Variants in PFKFB3 observed in about 807,000 individuals in gnomAD.
The protein encoded by PFKFB3 is 6-phosphofructo-2-kinase/fructose-2,6-biphosphatase 3, also known as 6-phosphofructo-2-kinase/fructose-2,6-bisphosphatase 3.
A neutral mutation model predicts 68.0 loss-of-function variants in PFKFB3; 33 were observed. The ratio of observed to expected loss-of-function variants is 0.49; its 90% confidence interval spans 0.37 to 0.65. The LOEUF (loss-of-function observed/expected upper bound fraction) is 0.65, where lower values mean the gene tolerates loss of function less well. PFKFB3 is among the 30% of genes least tolerant of loss of function. The pLI is 0.00. For missense variants in PFKFB3, 586 were observed against 712.2 expected, an observed-to-expected ratio of 0.82 and a Z score of 2.02; for synonymous variants, 315 against 288.2, an observed-to-expected ratio of 1.09 and a Z score of -0.94.
intron 1 of PFKFB3, among the ~76,000 whole-genome samples, chr10:6,210,351 T>G (rs1429678045): frequency 3.1e-4 from 4 of 12,928 alleles, no homozygotes; most frequent in South Asian, 0.025. Flanking sequence ...TTTTTGTTTT[T>G]TTTTGTTTTT....
At position 6,228,739 on chromosome 10, in the gene PFKFB3, AC is replaced by A. The variant is rs1266409719; in HGVS notation, c.1515+2380del. ...TCTGAGCCTCTCCCTCCCCATGAGG[AC>A]CCCCCACACCCCAAAAGAGCTCCGA... On this transcript the variant is annotated intron_variant, in intron 14 of 14. Coordinates refer to ENST00000379775, the MANE Select transcript of PFKFB3 (RefSeq NM_004566.4). The surrounding 1 kb of genome is among the most constrained non-coding windows in gnomAD (Gnocchi z 4.5). 1.3e-5 allele frequency among the ~76,000 whole-genome samples: 2 copies of A among 152,006 alleles called. No individual in the cohort carries two copies. The highest frequency in any genetic ancestry group is 6.5e-5 in the Admixed American group (1 of 15,292).
At position 6,152,827 on chromosome 10, in the gene PFKFB3, G is replaced by C. The variant is rs565400974; in HGVS notation, c.16+7814G>C. ...GCCTGGGAAGTTGAGGCTGCAGTGA[G>C]CCTTGATCGTACCGCTGCACTCCAG... is the stretch of plus-strand genomic sequence containing the variant. On this transcript the variant is annotated intron_variant, in intron 1 of 14. Coordinates refer to the PFKFB3 transcript ENST00000379789. 5.3e-5 allele frequency among the ~76,000 whole-genome samples: 8 copies of C among 152,230 alleles called. No individual in the cohort carries two copies. In the South Asian group the frequency reaches 8.3e-4, roughly 16 times the overall value.
chr10:6,183,592 C>A (rs1171387093), intron 1 of PFKFB3, among the ~76,000 whole-genome samples: 4 of 70,768 alleles, frequency 5.7e-5, no homozygotes, highest in African/African-American at 2.3e-4. Context: ...AGTTCGAGAC[C>A]AGCCTGGTCA....
chr10:6,262,793 G>T, the PFKFB3 span, among the ~76,000 whole-genome samples: 2 of 152,176 alleles, frequency 1.3e-5, no homozygotes, highest in East Asian at 1.9e-4. Context: ...AAGGCAAGAG[G>T]GTGGTGTTAT....
intron 1 of PFKFB3, among the ~76,000 whole-genome samples, chr10:6,194,985 G>T (rs1843138326): frequency 6.6e-6 from 1 of 151,298 alleles, no homozygotes; most frequent in Non-Finnish European, 1.5e-5. Flanking sequence ...CTATTCTCCT[G>T]CCTTGGCCTC....
the PFKFB3 span, among the ~76,000 whole-genome samples, chr10:6,298,216 C>T: frequency 1.7e-4 from 26 of 152,294 alleles, no homozygotes; most frequent in African/African-American, 6.0e-4. Flanking sequence ...CACACTTCTC[C>T]TCTGTCTCAG....
chr10:6,281,037 G>T, the PFKFB3 span, among the ~76,000 whole-genome samples: 1 of 150,710 alleles, frequency 6.6e-6, no homozygotes, highest in Non-Finnish European at 1.5e-5. Context: ...TCCCACTTAT[G>T]AGTGAGAACA....
chr10:6,177,548 G>A (rs188785646), intron 1 of PFKFB3, among the ~76,000 whole-genome samples: 23 of 125,596 alleles, frequency 1.8e-4, no homozygotes, highest in African/African-American at 6.1e-4. Flanking sequence ...TTTTTGAGAC[G>A]GAGTTTCACT....
intron 1 of PFKFB3, chr10:6,164,062 C>G (rs539691028): frequency 6.6e-6 from 1 of 152,410 alleles, no homozygotes. Context: ...GCGTGCAGGC[C>G]GCAGATGAGG....
At chr10:6,177,364 C>CTT (rs1198276903) in intron 1 of PFKFB3, among the ~76,000 whole-genome samples, 2 of 90,816 alleles carry the variant, frequency 2.2e-5, no homozygotes, top group African/African-American at 3.3e-5. Context: ...CTCTTTCTTT[C>CTT]TTTCTTTCTT....
At chr10:6,255,145 T>C (rs1846477333), downstream of PFKFB3, among the ~76,000 whole-genome samples, 1 of 149,508 alleles carries the variant, frequency 6.7e-6, no homozygotes, top group Non-Finnish European at 1.5e-5. Flanking sequence ...TCTTCTTTTT[T>C]TTTTTGAGAC....
chr10:6,192,020 T>G (rs200689349), intron 1 of PFKFB3, among the ~76,000 whole-genome samples: 5 of 16,160 alleles, frequency 3.1e-4, no homozygotes, highest in Non-Finnish European at 1.2e-3. Context: ...TAGATGAGTA[T>G]TTTTTTTAAC....
the PFKFB3 span, among the ~76,000 whole-genome samples, chr10:6,309,827 A>G: frequency 1.3e-5 from 2 of 152,176 alleles, no homozygotes; most frequent in Admixed American, 6.5e-5. Flanking sequence ...GGTGATGGGT[A>G]CACCAGCTCA....
At chr10:6,243,308 C>A (rs1032705609) in intron 14 of PFKFB3, among the ~76,000 whole-genome samples, 1 of 152,212 alleles carries the variant, frequency 6.6e-6, no homozygotes, top group Non-Finnish European at 1.5e-5. Flanking sequence ...AATATTTTGT[C>A]AGTTCTGAGA....
chr10:6,322,927 G>A, the PFKFB3 span, among the ~76,000 whole-genome samples: 2 of 152,188 alleles, frequency 1.3e-5, no homozygotes, highest in Non-Finnish European at 2.9e-5. Flanking sequence ...CCATTAGAAT[G>A]TAAGTTCCAT....
intron 1 of PFKFB3, among the ~76,000 whole-genome samples, chr10:6,156,648 C>G (rs11257014): frequency 6.7e-6 from 1 of 149,696 alleles, no homozygotes; most frequent in Non-Finnish European, 1.5e-5. Context: ...CCACCATGCC[C>G]GGCTAATTTT....
At chr10:6,269,140 C>T in the PFKFB3 span, among the ~76,000 whole-genome samples, 1 of 151,834 alleles carries the variant, frequency 6.6e-6, no homozygotes, top group African/African-American at 2.4e-5. Context: ...AACATGGGCT[C>T]CCCTCCCTGG....
intron 14 of PFKFB3, among the ~76,000 whole-genome samples, chr10:6,244,621 C>G (rs996340432): frequency 3.3e-5 from 5 of 151,972 alleles, no homozygotes; most frequent in Non-Finnish European, 7.4e-5. Context: ...TAAATTAGTT[C>G]TTTTGCAAGC....
chr10:6,154,646 G>C lies in PFKFB3; in HGVS notation c.16+9633G>C, dbSNP rs1472568374. Among the ~76,000 whole-genome samples, 2 of 152,214 alleles carry C rather than the reference G, an allele frequency of 1.3e-5. No homozygotes were observed. The highest frequency in any genetic ancestry group is 2.9e-5 in the Non-Finnish European group (2 of 68,032). On this transcript the variant is annotated intron_variant, in intron 1 of 14. Transcript: ENST00000379789. The surrounding 1 kb of genome is among the most constrained non-coding windows in gnomAD (Gnocchi z 4.6). ...GCGGGGGAGGCAGGAGACCAGGTGGGAGTCTCTGGGCCTGCTGCAGGTGGC... is the reference window on the plus strand; with the variant it reads ...GCGGGGGAGGCAGGAGACCAGGTGGCAGTCTCTGGGCCTGCTGCAGGTGGC...
Sources: gnomAD v4.1 joint callset for allele counts (sites outside exome capture counted in the v4.1 genomes callset) on GRCh38, gnomAD v4.1.1 for gene constraint, Gnocchi (gnomAD v3.1) non-coding constraint, MANE v1.5 for transcripts, NCBI Gene and HGNC (gene_info 2026-07-23, HGNC 2026-07-21) for gene names.